Variants in CCDC82 observed in about 807,000 individuals in gnomAD.
CCDC82 encodes coiled-coil domain-containing protein 82.
In CCDC82, 47 loss-of-function variants were observed where a neutral mutation model predicts 60.6. The ratio of observed to expected loss-of-function variants is 0.77; its 90% CI spans 0.61 to 0.99. CCDC82 has a LOEUF of 0.99. Ranked by LOEUF, CCDC82 falls within the 50% of genes least tolerant of loss-of-function variation. The pLI is 0.00. For missense variants in CCDC82, 588 were observed against 633.0 expected (o/e 0.93, Z 0.76); for synonymous variants, 212 against 207.4 (o/e 1.02, Z -0.19).
At chr11:96,382,404 A>G (rs1168860251) in intron 5 of CCDC82, 2 of 151,826 alleles carry the variant, frequency 1.3e-5, no homozygotes, top group Admixed American at 6.6e-5. Flanking sequence ...GCTTCTCAAT[A>G]CCTGAGAAAT....
In CCDC82 at chr11:96,373,252, T is replaced by C. The variant is rs746763259; in HGVS notation, c.1084+123A>G. 4.4e-4 allele frequency: 257 copies of C among 589,380 alleles called. 1 individual carries two copies. Among genetic ancestry groups the C allele is most frequent in the Non-Finnish European group, 5.1e-4 (168 of 330,650 alleles). 36.5% of individuals were successfully genotyped at this position (589,380 alleles called of 1,614,324 possible). A position where few individuals can be genotyped will look rare whatever the true frequency, so the allele number is the denominator to read the frequency against. On this transcript the variant is annotated intron_variant, in intron 6 of 9. Transcript: ENST00000646818. Reference sequence around the variant, plus strand: ...TGTAGTTGATCCTACAGGGAAAACATTGGAAGGTCTTACAAATGATCCTCA... The same window carrying C: ...TGTAGTTGATCCTACAGGGAAAACACTGGAAGGTCTTACAAATGATCCTCA...
At chr11:96,378,985 C>T (rs982565942) in intron 5 of CCDC82, among the ~76,000 whole-genome samples, 36 of 151,928 alleles carry the variant, frequency 2.4e-4, no homozygotes, top group Non-Finnish European at 2.9e-5. Context: ...TTGCTCACTT[C>T]AAAAAGGCAA....
Position 96,371,172 on chromosome 11 carries a change from T to G in CCDC82, c.1085-35A>C, listed in dbSNP as rs763085262. 2.8e-6 allele frequency: 4 copies of G among 1,428,932 alleles called. No individual in the cohort carries two copies. The African/African-American group carries it at 5.9e-5, about 21-fold the overall frequency. The allele number at this position is 1,428,932 out of a possible 1,614,324, so 88.5% of individuals were successfully genotyped here. On this transcript the variant is annotated intron_variant, in intron 6 of 9. Coordinates refer to ENST00000646818, the MANE Select transcript of CCDC82 (RefSeq NM_024725.4). Reference sequence around the variant, plus strand: ...GGATAAACAACAAAAAAAATCATTTTGTTAATTAGAAATATTTAAACTATT... The same window carrying G: ...GGATAAACAACAAAAAAAATCATTTGGTTAATTAGAAATATTTAAACTATT...
rs1206643921 is a variant in CCDC82, at chr11:96,353,481, T to C, written c.*165A>G. 6 of 589,860 alleles carry C rather than the reference T, an allele frequency of 1.0e-5. No individual in the cohort carries two copies. Among genetic ancestry groups the C allele is most frequent in the East Asian group, 2.9e-5 (1 of 34,058 alleles). 36.5% of individuals were successfully genotyped at this position (589,860 alleles called of 1,614,324 possible). A position where few individuals can be genotyped will look rare whatever the true frequency, so the allele number is the denominator to read the frequency against. Reference sequence around the variant, plus strand: ...ACATCAGATAAAAGTTTAATTAGAGTGTAGAGTGCCACTTCACAGGAATTA... The same window carrying C: ...ACATCAGATAAAAGTTTAATTAGAGCGTAGAGTGCCACTTCACAGGAATTA... On this transcript the variant is annotated 3_prime_UTR_variant, in exon 10 of 10. Coordinates refer to ENST00000646818, the MANE Select transcript of CCDC82 (RefSeq NM_024725.4).
intron 1 of CCDC82, chr11:96,389,166 ATTTCCCCCACT>A: frequency 6.6e-6 from 1 of 152,352 alleles, no homozygotes; most frequent in Non-Finnish European, 1.5e-5. Flanking sequence ...AGGAAAGCCT[ATTTCCCCCACT>A]TAGAATCACA....
chr11:96,383,107 C>G (rs1309798318), intron 5 of CCDC82, 162 bp downstream of exon 5: 1 of 591,286 alleles, frequency 1.7e-6, no homozygotes, highest in Non-Finnish European at 3.0e-6. Context: ...GTAAATGGTT[C>G]CTGAGACCAC....
chr11:96,358,384 T>C (rs2136063989), intron 9 of CCDC82: 2 of 1,223,214 alleles, frequency 1.6e-6, no homozygotes, highest in East Asian at 6.4e-5. Flanking sequence ...CAGTGCACTC[T>C]TCAAAACCCC....
At chr11:96,356,429 T>A in intron 9 of CCDC82, 1 of 985,194 alleles carries the variant, frequency 1.0e-6, no homozygotes, top group Non-Finnish European at 1.2e-6. Flanking sequence ...GTATTTACAG[T>A]ATGAATGGGC....
intron 7 of CCDC82, among the ~76,000 whole-genome samples, chr11:96,366,716 C>T (rs939469443): frequency 1.3e-5 from 2 of 151,920 alleles, no homozygotes; most frequent in Middle Eastern, 3.2e-3. Flanking sequence ...GAACGAGACC[C>T]CTCTATTCCC....
intron 6 of CCDC82, among the ~76,000 whole-genome samples, chr11:96,372,880 G>A (rs1039527548): frequency 3.3e-5 from 5 of 151,376 alleles, no homozygotes; most frequent in Non-Finnish European, 7.4e-5. Flanking sequence ...GAATGATGGC[G>A]GCACAAATGA....
chr11:96,359,731 G>A (rs1864541050), intron 8 of CCDC82, among the ~76,000 whole-genome samples: 1 of 148,414 alleles, frequency 6.7e-6, no homozygotes, highest in South Asian at 2.1e-4. Flanking sequence ...TATTTTTCTA[G>A]CTATAAGCAA....
intron 9 of CCDC82, chr11:96,358,357 G>A (rs1864453549): frequency 8.2e-7 from 1 of 1,215,694 alleles, no homozygotes. Context: ...TAAGCTGCCA[G>A]CAGATCTTCG....
chr11:96,386,955 T>C (rs1866228242), intron 2 of CCDC82: 1 of 152,264 alleles, frequency 6.6e-6, no homozygotes, highest in African/African-American at 2.4e-5. Context: ...AGCAGCTTAC[T>C]GTTTCTTTGG....
chr11:96,369,032 T>C (rs973143155), intron 7 of CCDC82, among the ~76,000 whole-genome samples: 11 of 152,248 alleles, frequency 7.2e-5, no homozygotes, highest in Non-Finnish European at 1.6e-4. Context: ...GTTATGGAGA[T>C]GGCTTCTTTC....
intron 5 of CCDC82, among the ~76,000 whole-genome samples, chr11:96,376,503 C>T (rs975832654): frequency 1.3e-5 from 2 of 151,476 alleles, no homozygotes; most frequent in Admixed American, 1.3e-4. Flanking sequence ...TCTTGGCTCA[C>T]TGCAACCTCC....
chr11:96,368,447 T>A (rs1865066570), intron 7 of CCDC82, among the ~76,000 whole-genome samples: 1 of 152,150 alleles, frequency 6.6e-6, no homozygotes, highest in South Asian at 2.1e-4. Flanking sequence ...GACCCTTGGA[T>A]TCTAGGAATG....
chr11:96,367,510 T>G (rs922091968), intron 7 of CCDC82, among the ~76,000 whole-genome samples: 1 of 152,342 alleles, frequency 6.6e-6, no homozygotes, highest in Non-Finnish European at 1.5e-5. Flanking sequence ...ATTTTTATCA[T>G]GAGATTGCAG....
chr11:96,359,741 A>C (rs1407035377), intron 8 of CCDC82, among the ~76,000 whole-genome samples: 3 of 151,732 alleles, frequency 2.0e-5, no homozygotes, highest in African/African-American at 7.3e-5. Context: ...GCTATAAGCA[A>C]CATGTAAAAC....
At chr11:96,357,415 ACACTTGGCTTTCTTGAAAAGAAAG>A (rs1864403153) in intron 9 of CCDC82, 1 of 985,148 alleles carries the variant, frequency 1.0e-6, no homozygotes, top group South Asian at 4.7e-5. Context: ...GTATAACATG[ACACTTGGCTTTCTTGAAAAGAAAG>A]CCTAAGCTCC....
Sources: allele counts gnomAD v4.1 joint callset (sites outside exome capture counted in the v4.1 genomes callset), GRCh38; gene constraint gnomAD v4.1.1; transcripts MANE v1.5; gene names NCBI Gene and HGNC (gene_info 2026-07-23, HGNC 2026-07-21).